Variants in PTPRD observed in about 807,000 individuals in gnomAD.
PTPRD encodes protein tyrosine phosphatase receptor type D.
A neutral mutation model predicts 214.5 loss-of-function variants in PTPRD; 34 were observed. That is an observed-to-expected ratio of 0.16 (90% CI 0.12 to 0.21). The LOEUF (loss-of-function observed/expected upper bound fraction) is 0.21. Ranked by LOEUF, PTPRD falls within the 10% of genes least tolerant of loss-of-function variation. The pLI is 1.00. For synonymous variants in PTPRD, 1,128 were observed against 845.7 expected, an observed-to-expected ratio of 1.33 and a Z score of -5.79; for missense variants, 2,545 against 2,398.7, an observed-to-expected ratio of 1.06 and a Z score of -1.27.
At chr9:9,868,637 G>T (rs866288745) in intron 5 of PTPRD, among the ~76,000 whole-genome samples, 2 of 151,678 alleles carry the variant, frequency 1.3e-5, no homozygotes, top group African/African-American at 4.8e-5. Flanking sequence ...ATACCCTAAC[G>T]TGCAGTGTAA....
intron 10 of PTPRD, among the ~76,000 whole-genome samples, chr9:9,078,244 T>C (rs324476): frequency 0.65 from 98,552 of 151,996 alleles, 32,782 homozygotes; most frequent in Non-Finnish European, 0.74. Flanking sequence ...AAAAGTTTTA[T>C]TGAATTTGAA....
In PTPRD at chr9:8,494,042, C is replaced by A. The variant is rs1021092263; in HGVS notation, c.2350-1063G>T. Among the ~76,000 whole-genome samples, 21 of 145,348 alleles carry A rather than the reference C, an allele frequency of 1.4e-4. No individual in the cohort carries two copies. In the East Asian group the frequency reaches 4.2e-3, roughly 29 times the overall value. On this transcript the variant is annotated intron_variant, in intron 26 of 45. Coordinates refer to ENST00000381196, the MANE Select transcript of PTPRD (RefSeq NM_002839.4). The stretch of plus-strand genomic sequence containing the variant: ...CACACACACACACACACACACACAG[C>A]AATATAAAAACCCTTTCAGATTTTT...
intron 12 of PTPRD, among the ~76,000 whole-genome samples, chr9:8,704,788 G>C (rs927214072): frequency 1.3e-5 from 2 of 151,724 alleles, no homozygotes; most frequent in Non-Finnish European, 2.9e-5. Flanking sequence ...GGGTGTGGTG[G>C]TGTGTGCACC....
chr9:10,558,740 C>T (rs988735229), intron 2 of PTPRD, among the ~76,000 whole-genome samples: 3 of 152,116 alleles, frequency 2.0e-5, no homozygotes, highest in South Asian at 4.2e-4. Flanking sequence ...ACAACCTTTA[C>T]AAGTGTTTGA....
At chr9:10,344,140 T>C (rs1475357275) in intron 2 of PTPRD, among the ~76,000 whole-genome samples, 1 of 151,780 alleles carries the variant, frequency 6.6e-6, no homozygotes, top group Non-Finnish European at 1.5e-5. Context: ...TAGGTTTTCT[T>C]CTAGGGTTTT....
intron 8 of PTPRD, among the ~76,000 whole-genome samples, chr9:9,419,170 T>G (rs2077926488): frequency 8.4e-6 from 1 of 119,116 alleles, no homozygotes; most frequent in African/African-American, 3.4e-5. Flanking sequence ...CACACAAGCA[T>G]GATATATATA....
chr9:10,217,012 T>A (rs929535319), intron 3 of PTPRD, among the ~76,000 whole-genome samples: 7 of 151,994 alleles, frequency 4.6e-5, no homozygotes, highest in Admixed American at 1.3e-4. Flanking sequence ...GGCCTGCAAC[T>A]ATAATCCTGC....
chr9:9,598,496 A>C (rs2093527322), intron 7 of PTPRD, among the ~76,000 whole-genome samples: 1 of 152,028 alleles, frequency 6.6e-6, no homozygotes, highest in Non-Finnish European at 1.5e-5. Flanking sequence ...TAATTTAAAA[A>C]TAATAAAAAA....
intron 3 of PTPRD, among the ~76,000 whole-genome samples, chr9:10,171,808 C>T (rs1248445147): frequency 1.3e-5 from 2 of 152,188 alleles, no homozygotes; most frequent in Non-Finnish European, 2.9e-5. Context: ...CAGGCATGAG[C>T]CACCGCGCCT....
At chr9:10,510,987 C>G (rs889689558) in intron 2 of PTPRD, among the ~76,000 whole-genome samples, 1 of 152,040 alleles carries the variant, frequency 6.6e-6, no homozygotes, top group Non-Finnish European at 1.5e-5. Flanking sequence ...CTTAATGTAA[C>G]ATAATGTTCT....
intron 5 of PTPRD, among the ~76,000 whole-genome samples, chr9:9,875,762 C>G (rs934459857): frequency 2.6e-5 from 4 of 151,966 alleles, no homozygotes; most frequent in African/African-American, 9.7e-5. Flanking sequence ...AAAAAACATC[C>G]AGGTTTAAGA....
intron 4 of PTPRD, among the ~76,000 whole-genome samples, chr9:9,946,310 G>A (rs538122961): frequency 2.6e-5 from 4 of 152,184 alleles, no homozygotes; most frequent in South Asian, 2.1e-4. Flanking sequence ...AAAAATGTGT[G>A]GACAATTAAT....
intron 12 of PTPRD, among the ~76,000 whole-genome samples, chr9:8,703,775 C>T (rs138486138): frequency 6.6e-6 from 1 of 152,266 alleles, no homozygotes; most frequent in African/African-American, 2.4e-5. Flanking sequence ...TATCCCCAGC[C>T]CAGTTTTCTG....
chr9:9,960,056 T>A (rs973347099), intron 4 of PTPRD, among the ~76,000 whole-genome samples: 26 of 152,056 alleles, frequency 1.7e-4, no homozygotes, highest in African/African-American at 5.6e-4. Flanking sequence ...CTAATAACAT[T>A]CTCTAATAAA....
At chr9:9,058,357 T>C (rs948317760) in intron 10 of PTPRD, among the ~76,000 whole-genome samples, 1 of 150,840 alleles carries the variant, frequency 6.6e-6, no homozygotes, top group African/African-American at 2.4e-5. Context: ...TGGATTGGAC[T>C]GGACTGGCTA....
At chr9:10,451,747 T>A (rs2098843101) in intron 2 of PTPRD, among the ~76,000 whole-genome samples, 1 of 152,000 alleles carries the variant, frequency 6.6e-6, no homozygotes, top group Non-Finnish European at 1.5e-5. Flanking sequence ...CATGTGTGTT[T>A]TTCAATTAGA....
chr9:8,779,924 G>C (rs1371974007), intron 11 of PTPRD, among the ~76,000 whole-genome samples: 3 of 150,294 alleles, frequency 2.0e-5, no homozygotes, highest in African/African-American at 4.9e-5. Context: ...ATTTTGATTA[G>C]CAGTGGTAAC....
At chr9:8,545,426 C>G (rs1404834279) in intron 14 of PTPRD, among the ~76,000 whole-genome samples, 1 of 152,062 alleles carries the variant, frequency 6.6e-6, no homozygotes, top group Admixed American at 6.5e-5. Flanking sequence ...AAAAGCAGAT[C>G]AAATGGAAAA....
intron 3 of PTPRD, among the ~76,000 whole-genome samples, chr9:10,278,444 C>A (rs1445090394): frequency 6.6e-6 from 1 of 152,142 alleles, no homozygotes; most frequent in Non-Finnish European, 1.5e-5. Context: ...AGATTTGCTG[C>A]ATTGCCTCCC....
Sources: allele counts gnomAD v4.1 joint callset (sites outside exome capture counted in the v4.1 genomes callset), GRCh38; gene constraint gnomAD v4.1.1; transcripts MANE v1.5; gene names NCBI Gene and HGNC (gene_info 2026-07-23, HGNC 2026-07-21).